Variants in CC2D2B observed in about 807,000 individuals in gnomAD.
The protein encoded by CC2D2B is protein CC2D2B.
CC2D2B carries 128 observed loss-of-function variants against 161.2 expected under a neutral mutation model. That is an observed-to-expected ratio of 0.79 (90% CI 0.69 to 0.92). CC2D2B has a LOEUF of 0.92. Among genes scored for constraint, CC2D2B ranks in the 40% least tolerant of loss-of-function variants. The pLI is 0.00. For missense variants in CC2D2B, 1,173 were observed against 1,375.1 expected (o/e 0.85, Z 2.32); for synonymous variants, 391 against 449.8 (o/e 0.87, Z 1.65).
intron 22 of CC2D2B, 33 bp from the exon 23 acceptor site, chr10:95,995,236 A>T: frequency 1.6e-6 from 2 of 1,224,960 alleles, no homozygotes; most frequent in Non-Finnish European, 2.3e-6. Context: ...AAAACTAATT[A>T]AGGTGTATGT....
At chr10:95,972,505 G>C (rs1225654616) in intron 16 of CC2D2B, among the ~76,000 whole-genome samples, 1 of 152,126 alleles carries the variant, frequency 6.6e-6, no homozygotes, top group South Asian at 2.1e-4. Context: ...GTAGAGACAG[G>C]GTTTCACCAT....
At chr10:95,920,710 C>T (rs1053604081) in intron 2 of CC2D2B, 1 of 152,232 alleles carries the variant, frequency 6.6e-6, no homozygotes, top group African/African-American at 2.4e-5. Context: ...TACTGACTGG[C>T]TACCACTGAT....
chr10:95,947,770 T>C (rs1190115436), intron 9 of CC2D2B, among the ~76,000 whole-genome samples: 2 of 149,922 alleles, frequency 1.3e-5, no homozygotes, highest in Middle Eastern at 3.2e-3. Flanking sequence ...AAAAAAAAGA[T>C]GGACTAAAAC....
chr10:95,948,007 T>C (rs2076281816), intron 9 of CC2D2B, among the ~76,000 whole-genome samples: 1 of 152,236 alleles, frequency 6.6e-6, no homozygotes, highest in Non-Finnish European at 1.5e-5. Flanking sequence ...CCCACGGTTC[T>C]AAACACCATT....
At chr10:96,013,947 ATTATGTAT>A in intron 29 of CC2D2B, 70 bp downstream of exon 29, 1 of 719,030 alleles carries the variant, frequency 1.4e-6, no homozygotes, top group Non-Finnish European at 2.0e-6. Context: ...TTTTAAAAAT[ATTATGTAT>A]TTATGTATTA....
chr10:95,992,100 A>G (rs1299649836), intron 21 of CC2D2B, among the ~76,000 whole-genome samples: 2 of 152,170 alleles, frequency 1.3e-5, no homozygotes, highest in African/African-American at 4.8e-5. Flanking sequence ...GTGACCATAA[A>G]ACTATAATTC....
chr10:96,016,284 A>T lies in CC2D2B; in HGVS notation c.3600A>T (p.Ala1200=). ...CNFFLYFGKK[A]LVLLGTSVLE... is the part of the protein sequence containing the mutation. ...TCTTTCTGTATTTTGGAAAGAAGGC[A>T]CTGGTCCTCTTGGGAACGTCAGTGT... Residue 1200 remains alanine, a synonymous_variant, in exon 30 of 35, where the codon GCA becomes GCT. Coordinates refer to ENST00000646931, the MANE Select transcript of CC2D2B (RefSeq NM_001349008.3). The T allele has an allele frequency of 6.2e-7, 1 of 1,612,466 alleles. No homozygotes were observed. Among genetic ancestry groups the T allele is most frequent in the Non-Finnish European group, 8.5e-7 (1 of 1,178,640 alleles).
Position 95,924,860 on chromosome 10 carries a change from CT to C in CC2D2B, c.240+23del, listed in dbSNP as rs1263943394. 4 of 1,502,450 alleles carry C rather than the reference CT, an allele frequency of 2.7e-6. No homozygotes were observed. Among genetic ancestry groups the C allele is most frequent in the South Asian group, 1.2e-5 (1 of 82,654 alleles). 93.1% of individuals were successfully genotyped at this position (1,502,450 alleles called of 1,614,324 possible). A position where few individuals can be genotyped will look rare whatever the true frequency, so the allele number is the denominator to read the frequency against. On this transcript the variant is annotated intron_variant, in intron 5 of 34. Coordinates refer to ENST00000646931, the MANE Select transcript of CC2D2B (RefSeq NM_001349008.3). The stretch of plus-strand genomic sequence containing the variant: ...AAGGTCCAAGGTGAATAACTTTTCT[CT>C]TTTTTTACTTTTTAAAACAGCTTTA...
At chr10:95,929,665 T>C (rs1590391948) in intron 6 of CC2D2B, among the ~76,000 whole-genome samples, 1 of 152,190 alleles carries the variant, frequency 6.6e-6, no homozygotes. Flanking sequence ...CTTTACCCCA[T>C]TGCTTGTTTT....
intron 19 of CC2D2B, 132 bp downstream of exon 19, chr10:95,983,941 G>A (rs1184360399): frequency 3.4e-5 from 15 of 435,856 alleles, no homozygotes; most frequent in Non-Finnish European, 5.7e-5. Flanking sequence ...TTCTCTTTAG[G>A]CATTAAAAAT....
chr10:96,009,706 TTA>T (rs1345500573), intron 25 of CC2D2B, 117 bp from the exon 26 acceptor site: 22 of 488,676 alleles, frequency 4.5e-5, no homozygotes, highest in African/African-American at 3.6e-4. Flanking sequence ...TCTTTTCTAT[TTA>T]TCTTTTGATT....
intron 2 of CC2D2B, among the ~76,000 whole-genome samples, chr10:95,912,392 T>A (rs2098507944): frequency 6.6e-6 from 1 of 152,184 alleles, no homozygotes; most frequent in African/African-American, 2.4e-5. Flanking sequence ...TTACCAGAAG[T>A]CAGCTAGAAA....
intron 11 of CC2D2B, among the ~76,000 whole-genome samples, chr10:95,959,711 G>A (rs2076696944): frequency 6.6e-6 from 1 of 150,424 alleles, no homozygotes; most frequent in South Asian, 2.1e-4. Flanking sequence ...TGCAAGGATG[G>A]TTCAACATTA....
In CC2D2B at chr10:95,922,056, T is replaced by C. The variant is rs1445674513; in HGVS notation, c.77T>C (p.Ile26Thr). Reference sequence around the variant, plus strand: ...GATAATATTACAGCTGAAGAAATTATAGACAAGCATCTCCAAAAAGGTTCT... The same window carrying C: ...GATAATATTACAGCTGAAGAAATTACAGACAAGCATCTCCAAAAAGGTTCT... Reference protein sequence around the residue: ...EMDNITAEEIIDKHLQKDLDA... With the variant: ...EMDNITAEEITDKHLQKDLDA... The change falls in exon 3 of 35, where the codon ATA (isoleucine) becomes ACA (threonine). Residue 26 changes from isoleucine (I) to threonine (T), a missense_variant. Transcript: ENST00000646931. The C allele has an allele frequency of 6.5e-7, 1 of 1,538,282 alleles. No individual in the cohort carries two copies.
rs147704690 is a variant in CC2D2B at position 95,950,468 on chromosome 10, TTGGTC to T, written c.1011+366_1011+370del. 352 of 154,220 alleles carry T rather than the reference TTGGTC, an allele frequency of 2.3e-3. 7 individuals carry two copies. The East Asian group carries it at 0.05, about 22-fold the overall frequency. The allele number at this position is 154,220 out of a possible 1,614,324, so 9.6% of individuals were successfully genotyped here. A position where few individuals can be genotyped will look rare whatever the true frequency, so the allele number is the denominator to read the frequency against. On this transcript the variant is annotated intron_variant, in intron 10 of 34. Coordinates refer to ENST00000646931, the MANE Select transcript of CC2D2B (RefSeq NM_001349008.3). ...ACTCTCATAACAAACCTGAAGAGTCTTGGTCTGAAGATGATTAATCCAAACAGTCA... is the reference window on the plus strand; with the variant it reads ...ACTCTCATAACAAACCTGAAGAGTCTTGAAGATGATTAATCCAAACAGTCA...
intron 10 of CC2D2B, among the ~76,000 whole-genome samples, chr10:95,953,001 C>T (rs2076453816): frequency 6.6e-6 from 1 of 152,072 alleles, no homozygotes; most frequent in Non-Finnish European, 1.5e-5. Context: ...ACTGGCAAGG[C>T]AGGACAGAGC....
At chr10:96,012,087 C>A in intron 26 of CC2D2B, 98 bp from the exon 27 acceptor site, 1 of 541,162 alleles carries the variant, frequency 1.8e-6, no homozygotes, top group Non-Finnish European at 3.3e-6. Flanking sequence ...CGCAAGCAAG[C>A]AAGCTTTCTG....
chr10:95,926,307 T>G (rs7908691), intron 5 of CC2D2B, among the ~76,000 whole-genome samples: 97,181 of 151,812 alleles, frequency 0.64, 31,614 homozygotes, highest in Admixed American at 0.71. Flanking sequence ...ACCACACAGG[T>G]ATATTTGCTC....
intron 34 of CC2D2B, 32 bp downstream of exon 34, chr10:96,027,421 T>C (rs886475680): frequency 1.4e-6 from 2 of 1,429,376 alleles, no homozygotes; most frequent in African/African-American, 2.9e-5. Flanking sequence ...TTAATGACAT[T>C]TGTTTTATAT....
Sources: gnomAD v4.1 joint callset for allele counts (sites outside exome capture counted in the v4.1 genomes callset) on GRCh38, gnomAD v4.1.1 for gene constraint, MANE v1.5 for transcripts, NCBI Gene and HGNC (gene_info 2026-07-23, HGNC 2026-07-21) for gene names.